SHMT1: variants seen among roughly 807,000 people sequenced by gnomAD.
SHMT1 encodes serine hydroxymethyltransferase, cytosolic.
SHMT1 carries 45 observed loss-of-function variants against 49.0 expected under a neutral mutation model. The ratio of observed to expected loss-of-function variants is 0.92; its 90% confidence interval spans 0.72 to 1.18. The LOEUF (loss-of-function observed/expected upper bound fraction) is 1.18. Ranked by LOEUF, SHMT1 falls within the 50% of genes most tolerant of loss-of-function variation. SHMT1 has a pLI of 0.00. For synonymous variants in SHMT1, 232 were observed against 246.6 expected (o/e 0.94, Z 0.55); for missense variants, 541 against 612.4 (o/e 0.88, Z 1.23).
At chr17:18,362,679 A>G (rs1986881196) in intron 1 of SHMT1, among the ~76,000 whole-genome samples, 2 of 152,182 alleles carry the variant, frequency 1.3e-5, no homozygotes. Flanking sequence ...TTCTCTGGGT[A>G]ACTGCCCGAT....
intron 10 of SHMT1, 77 bp from the exon 11 acceptor site, chr17:18,329,465 TG>T (rs1450505751): frequency 1.7e-6 from 2 of 1,177,382 alleles, no homozygotes; most frequent in African/African-American, 1.5e-5. Context: ...AAGGGACATG[TG>T]GGCAAAAGAG....
At position 18,328,472 on chromosome 17, in the gene SHMT1, C is replaced by T. The variant is rs767889236; in HGVS notation, c.*278G>A. 2.8e-5 allele frequency: 13 copies of T among 467,078 alleles called. No homozygotes were observed. Among genetic ancestry groups the T allele is most frequent in the African/African-American group, 5.9e-5 (3 of 50,738 alleles). The allele number at this position is 467,078 out of a possible 1,614,324, so 28.9% of individuals were successfully genotyped here. Reference sequence around the variant, plus strand: ...CATCTAAATGATTATGACCAAGTGGCGACATAGTATTTTATTTTCCTAGAA... The same window carrying T: ...CATCTAAATGATTATGACCAAGTGGTGACATAGTATTTTATTTTCCTAGAA... On this transcript the variant is annotated 3_prime_UTR_variant, in exon 12 of 12. Coordinates refer to ENST00000316694, the MANE Select transcript of SHMT1 (RefSeq NM_004169.5).
At position 18,328,576 on chromosome 17, in the gene SHMT1, TAAAC is replaced by T. The variant is rs1982806598; in HGVS notation, c.*170_*173del. 3 of 673,200 alleles carry T rather than the reference TAAAC, an allele frequency of 4.5e-6. No homozygotes were observed. Among genetic ancestry groups the T allele is most frequent in the African/African-American group, 1.8e-5 (1 of 55,176 alleles). The allele number at this position is 673,200 out of a possible 1,614,324, so 41.7% of individuals were successfully genotyped here. On this transcript the variant is annotated 3_prime_UTR_variant, in exon 12 of 12. Transcript: ENST00000316694. ...TCCCAGAATTACTAACAATGAGACT[TAAAC>T]AAATTTTGATTTGTGAAGAAAACAT...
chr17:18,328,549 T>C lies in SHMT1; in HGVS notation c.*201A>G. On this transcript the variant is annotated 3_prime_UTR_variant, in exon 12 of 12. Transcript: ENST00000316694. Reference sequence around the variant, plus strand: ...TTCAAATTTAAATCCTTTAATAACCTGTCCCAGAATTACTAACAATGAGAC... The same window carrying C: ...TTCAAATTTAAATCCTTTAATAACCCGTCCCAGAATTACTAACAATGAGAC... The C allele has an allele frequency of 3.3e-6, 2 of 599,774 alleles. No homozygotes were observed. Among genetic ancestry groups the C allele is most frequent in the Non-Finnish European group, 5.9e-6 (2 of 340,204 alleles). 37.2% of individuals were successfully genotyped at this position (599,774 alleles called of 1,614,324 possible). A position where few individuals can be genotyped will look rare whatever the true frequency, so the allele number is the denominator to read the frequency against.
intron 3 of SHMT1, among the ~76,000 whole-genome samples, chr17:18,353,042 C>A (rs941259682): frequency 6.6e-6 from 1 of 152,192 alleles, no homozygotes; most frequent in Non-Finnish European, 1.5e-5. Context: ...AGGGGCATCT[C>A]AGGACAGAAT....
chr17:18,353,818 C>T lies in SHMT1; in HGVS notation c.97-1G>A. ...TCTCCTTCTTAATGATGTTGTAAAC[C>T]TTATGAGAAGAAAACAGATGCTTGA... On this transcript the variant is annotated splice_acceptor_variant, in intron 2 of 11. Coordinates refer to ENST00000316694, the MANE Select transcript of SHMT1 (RefSeq NM_004169.5). LOFTEE classifies it high-confidence loss of function. 1 of 1,614,030 alleles carries T rather than the reference C, an allele frequency of 6.2e-7. No individual in the cohort carries two copies. The highest frequency in any genetic ancestry group is 1.1e-5 in the South Asian group (1 of 91,080).
chr17:18,357,760 T>C (rs1350173119), intron 1 of SHMT1, among the ~76,000 whole-genome samples: 1 of 151,904 alleles, frequency 6.6e-6, no homozygotes, highest in Non-Finnish European at 1.5e-5. Flanking sequence ...CCCCAGCACT[T>C]TGGGAGGCCA....
In SHMT1 at chr17:18,328,471, G is replaced by A; in HGVS notation, c.*279C>T. The A allele has an allele frequency of 2.2e-6, 1 of 464,424 alleles. No individual in the cohort carries two copies. The allele number at this position is 464,424 out of a possible 1,614,324, so 28.8% of individuals were successfully genotyped here. A position where few individuals can be genotyped will look rare whatever the true frequency, so the allele number is the denominator to read the frequency against. On this transcript the variant is annotated 3_prime_UTR_variant, in exon 12 of 12. Coordinates refer to ENST00000316694, the MANE Select transcript of SHMT1 (RefSeq NM_004169.5). ...CCATCTAAATGATTATGACCAAGTG[G>A]CGACATAGTATTTTATTTTCCTAGA...
At chr17:18,352,206 C>T (rs553927554) in intron 3 of SHMT1, among the ~76,000 whole-genome samples, 19 of 142,234 alleles carry the variant, frequency 1.3e-4, no homozygotes, top group Middle Eastern at 3.9e-3. Context: ...AGTGCAGTGG[C>T]GCGATCTCGG....
chr17:18,329,242 A>G (rs1329327362), intron 11 of SHMT1, 36 bp downstream of exon 11: 3 of 1,433,332 alleles, frequency 2.1e-6, no homozygotes, highest in East Asian at 2.3e-5. Context: ...AAATACACAC[A>G]ATAAGATGTG....
At chr17:18,329,411 T>C (rs1982934635) in intron 10 of SHMT1, 23 bp from the exon 11 acceptor site, 11 of 1,573,680 alleles carry the variant, frequency 7.0e-6, no homozygotes, top group Non-Finnish European at 7.8e-6. Context: ...CGGGGCTCTG[T>C]CCCTAAGTCA....
intron 1 of SHMT1, among the ~76,000 whole-genome samples, chr17:18,359,911 A>T (rs1598074320): frequency 6.6e-6 from 1 of 150,924 alleles, no homozygotes; most frequent in South Asian, 2.1e-4. Flanking sequence ...ACACCACTGC[A>T]CCGCAGCCTG....
In SHMT1 at chr17:18,333,299, A is replaced by G. The variant is rs1238859962; in HGVS notation, c.932-11T>C. 6.2e-7 allele frequency: 1 copy of G among 1,612,804 alleles called. No individual in the cohort carries two copies. Among genetic ancestry groups the G allele is most frequent in the East Asian group, 2.2e-5 (1 of 44,886 alleles). ...GTGCCACAGCAACCCCTGGACAAGA[A>G]GAGACAATGGGTCAGGAGGCTAGGA... On this transcript the variant is annotated splice_polypyrimidine_tract_variant and intron_variant, in intron 8 of 11. Coordinates refer to ENST00000316694, the MANE Select transcript of SHMT1 (RefSeq NM_004169.5).
chr17:18,330,213 G>A (rs1983046309), intron 10 of SHMT1, among the ~76,000 whole-genome samples: 1 of 151,686 alleles, frequency 6.6e-6, no homozygotes. Context: ...TCCACTCACT[G>A]CAACCTCTGC....
At chr17:18,335,822 CA>C (rs1403514183) in intron 7 of SHMT1, 147 bp from the exon 8 acceptor site, 2 of 721,316 alleles carry the variant, frequency 2.8e-6, no homozygotes, top group Non-Finnish European at 5.0e-6. Context: ...CACAGCGGAG[CA>C]GAGGGGACCC....
chr17:18,359,966 G>T (rs1986603961), intron 1 of SHMT1, among the ~76,000 whole-genome samples: 1 of 143,818 alleles, frequency 7.0e-6, no homozygotes, highest in Non-Finnish European at 1.5e-5. Flanking sequence ...AAAATTATTT[G>T]GCCAGGCACA....
intron 2 of SHMT1, among the ~76,000 whole-genome samples, chr17:18,355,043 T>C (rs1285243753): frequency 1.5e-5 from 1 of 64,980 alleles, no homozygotes; most frequent in Non-Finnish European, 2.6e-5. Context: ...AGAGCAAGAC[T>C]ATATCTCAAA....
At position 18,353,678 on chromosome 17, in the gene SHMT1, C is replaced by T. The variant is rs1567791182; in HGVS notation, c.236G>A (p.Gly79Asp). Residue 79 changes from glycine (G) to aspartate (D), a missense_variant, in exon 3 of 12, where the codon GGC becomes GAC. Transcript: ENST00000316694. ...LNNKYSEGYP[G>D]QRYYGGTEFI... ...TTTGAAGATATTCACATACCTCTGG[C>T]CCGGGTACCCCTCAGAGTATTTGTT... The T allele has an allele frequency of 2.5e-6, 4 of 1,614,146 alleles. No individual in the cohort carries two copies. The highest frequency in any genetic ancestry group is 3.4e-6 in the Non-Finnish European group (4 of 1,180,026).
chr17:18,347,501 A>G lies in SHMT1; in HGVS notation c.514T>C (p.Tyr172His). The G allele has an allele frequency of 5.0e-6, 8 of 1,614,118 alleles. No individual in the cohort carries two copies. Among genetic ancestry groups the G allele is most frequent in the Non-Finnish European group, 6.8e-6 (8 of 1,180,004 alleles). ...ATSIFFESMPYKVNPDTGYIN... is the reference protein window; with the variant it reads ...ATSIFFESMPHKVNPDTGYIN... The stretch of plus-strand genomic sequence containing the variant: ...GGAGAGAAACACATGCTTACCTTGT[A>G]GGGCATAGATTCAAAGAAGATGGAC... The change falls in exon 5 of 12, where the codon TAC becomes CAC. Residue 172 changes from tyrosine to histidine, a missense_variant. Coordinates refer to ENST00000316694, the MANE Select transcript of SHMT1 (RefSeq NM_004169.5).
Sources: gnomAD v4.1 joint callset for allele counts (sites outside exome capture counted in the v4.1 genomes callset) on GRCh38, gnomAD v4.1.1 for gene constraint, MANE v1.5 for transcripts, NCBI Gene and HGNC (gene_info 2026-07-23, HGNC 2026-07-21) for gene names.